The following FGGY variants were observed in gnomAD, a reference collection of about 807,000 sequenced individuals.
FGGY encodes the protein FGGY carbohydrate kinase domain-containing protein.
In FGGY, 72 loss-of-function variants were observed where a neutral mutation model predicts 71.3. That is an observed-to-expected ratio of 1.01 (90% CI 0.84 to 1.23). The LOEUF is 1.23. Ranked by LOEUF, FGGY falls within the 50% of genes most tolerant of loss-of-function variation. The probability of loss-of-function intolerance (pLI) is 0.00; values close to 1 mark genes in which losing one functional copy is unlikely to be tolerated. For missense variants in FGGY, 668 were observed against 682.3 expected (o/e 0.98, Z 0.23); for synonymous variants, 251 against 250.3 (o/e 1.00, Z -0.02).
At chr1:59,606,403 C>T (rs1315704488) in intron 8 of FGGY, among the ~76,000 whole-genome samples, 1 of 152,160 alleles carries the variant, frequency 6.6e-6, no homozygotes, top group South Asian at 2.1e-4. Flanking sequence ...ACAAAAAGTA[C>T]CAATTGCCAT....
At chr1:59,643,248 G>A (rs1276370750) in intron 11 of FGGY, among the ~76,000 whole-genome samples, 1 of 152,030 alleles carries the variant, frequency 6.6e-6, no homozygotes, top group African/African-American at 2.4e-5. Context: ...TGGTGCAGTG[G>A]CCTAATCAGA....
intron 14 of FGGY, among the ~76,000 whole-genome samples, chr1:59,724,737 T>A (rs752855989): frequency 3.9e-5 from 6 of 152,220 alleles, no homozygotes; most frequent in Non-Finnish European, 7.3e-5. Context: ...CAAATGATGT[T>A]GAGTGTCTTT....
chr1:59,365,072 G>T (rs2056338449), intron 4 of FGGY, among the ~76,000 whole-genome samples: 1 of 152,166 alleles, frequency 6.6e-6, no homozygotes, highest in Admixed American at 6.5e-5. Context: ...TGAGTTGGAG[G>T]TACAGTGGGA....
At chr1:59,742,532 C>T (rs977133763) in intron 14 of FGGY, among the ~76,000 whole-genome samples, 13 of 152,244 alleles carry the variant, frequency 8.5e-5, no homozygotes. Flanking sequence ...CTGTCCATCT[C>T]ATCTACTTCT....
intron 6 of FGGY, among the ~76,000 whole-genome samples, chr1:59,510,040 CTTT>C (rs10608143): frequency 2.9e-5 from 4 of 139,914 alleles, no homozygotes; most frequent in Admixed American, 7.1e-5. Context: ...TTTCTTTTTT[CTTT>C]TTTTTTTTTT....
intron 7 of FGGY, among the ~76,000 whole-genome samples, chr1:59,546,037 C>G (rs1191581819): frequency 1.3e-5 from 2 of 152,072 alleles, no homozygotes; most frequent in Non-Finnish European, 2.9e-5. Flanking sequence ...ATAACTCTGG[C>G]AAAGCACACA....
rs1241515632 is a variant in FGGY, at chr1:59,457,072, A to G, written c.666A>G (p.Lys222=). 1 of 1,605,738 alleles carries G rather than the reference A, an allele frequency of 6.2e-7. No homozygotes were observed. The highest frequency in any genetic ancestry group is 2.2e-5 in the East Asian group (1 of 44,822). The change falls in exon 6 of 16, where the codon AAA becomes AAG. Residue 222 remains lysine (K), a synonymous_variant. Coordinates refer to ENST00000303721, the MANE Select transcript of FGGY (RefSeq NM_018291.5). Reference sequence around the variant, plus strand: ...ACTTTGTTGCAGATAATTACAGCAAAATAGGTAAAAGAATAAAACATCTGT... The same window carrying G: ...ACTTTGTTGCAGATAATTACAGCAAGATAGGTAAAAGAATAAAACATCTGT... ...LEDFVADNYS[K]IGNQVLPPGA...
intron 5 of FGGY, among the ~76,000 whole-genome samples, chr1:59,387,187 G>T (rs937255346): frequency 1.3e-5 from 2 of 151,976 alleles, no homozygotes; most frequent in Admixed American, 6.6e-5. Flanking sequence ...CAATTCATAG[G>T]ATCTCAAATA....
At chr1:59,643,887 G>A (rs1424613085) in intron 11 of FGGY, among the ~76,000 whole-genome samples, 6 of 152,168 alleles carry the variant, frequency 3.9e-5, no homozygotes, top group African/African-American at 1.4e-4. Flanking sequence ...ACAGTGACCT[G>A]CCCAAAGTCA....
Position 59,638,138 on chromosome 1 carries a change from G to T in FGGY, c.1074-90G>T, listed in dbSNP as rs1273918679. ...TTTTAGGAGCCTGCTTACTTTCCTG[G>T]ATCTGGAAGTACAAATGGTTTCTTT... On this transcript the variant is annotated intron_variant, in intron 10 of 15. Coordinates refer to ENST00000303721, the MANE Select transcript of FGGY (RefSeq NM_018291.5). 3.0e-6 allele frequency: 4 copies of T among 1,328,496 alleles called. No individual in the cohort carries two copies. The African/African-American group carries it at 5.9e-5, about 19-fold the overall frequency. 82.3% of individuals were successfully genotyped at this position (1,328,496 alleles called of 1,614,324 possible).
intron 14 of FGGY, among the ~76,000 whole-genome samples, chr1:59,740,091 C>T (rs530298314): frequency 1.3e-5 from 2 of 152,314 alleles, no homozygotes; most frequent in East Asian, 3.9e-4. Context: ...CCCTGTCCTC[C>T]TTCAGGCTAA....
At chr1:59,388,789 A>G (rs1284212177) in intron 5 of FGGY, among the ~76,000 whole-genome samples, 1 of 152,174 alleles carries the variant, frequency 6.6e-6, no homozygotes, top group African/African-American at 2.4e-5. Context: ...CATATAGCAT[A>G]AAATTTGCCA....
rs181725565 is a variant in FGGY, at chr1:59,459,830, G to A, written c.670+2754G>A. 4.4e-3 allele frequency among the ~76,000 whole-genome samples: 676 copies of A among 152,228 alleles called. 4 individuals carry two copies. Among genetic ancestry groups the A allele is most frequent in the African/African-American group, 0.016 (654 of 41,524 alleles). On this transcript the variant is annotated intron_variant, in intron 6 of 15. Transcript: ENST00000303721. ...GGGAAAATCTCTTTGTTCTACTATT[G>A]GGGTAGCCCACTTTATGAAAAGTCG... is the stretch of plus-strand genomic sequence containing the variant.
At chr1:59,516,345 T>G (rs2094651057) in intron 7 of FGGY, among the ~76,000 whole-genome samples, 1 of 152,214 alleles carries the variant, frequency 6.6e-6, no homozygotes, top group African/African-American at 2.4e-5. Flanking sequence ...CACTGGAGAT[T>G]ATTAGCAGTG....
At chr1:59,745,191 TA>T (rs2098185202) in intron 14 of FGGY, among the ~76,000 whole-genome samples, 2 of 152,168 alleles carry the variant, frequency 1.3e-5, no homozygotes, top group Non-Finnish European at 2.9e-5. Flanking sequence ...TTCTGTATCG[TA>T]AACAGTCTAA....
chr1:59,633,718 C>T (rs1015196954), intron 10 of FGGY, among the ~76,000 whole-genome samples: 1 of 152,138 alleles, frequency 6.6e-6, no homozygotes, highest in Non-Finnish European at 1.5e-5. Flanking sequence ...TGGTTGGATA[C>T]TTGACCTGGA....
At chr1:59,459,075 A>G (rs1406730803) in intron 6 of FGGY, among the ~76,000 whole-genome samples, 1 of 152,230 alleles carries the variant, frequency 6.6e-6, no homozygotes, top group African/African-American at 2.4e-5. Flanking sequence ...GAGCATTAAT[A>G]CAATTACCAT....
intron 6 of FGGY, among the ~76,000 whole-genome samples, chr1:59,468,530 A>G (rs948891011): frequency 6.6e-6 from 1 of 152,222 alleles, no homozygotes; most frequent in African/African-American, 2.4e-5. Flanking sequence ...TGAACATTAA[A>G]TGAAGCTACA....
chr1:59,329,856 T>G (rs2048128663), intron 2 of FGGY, among the ~76,000 whole-genome samples: 1 of 152,258 alleles, frequency 6.6e-6, no homozygotes, highest in Admixed American at 6.5e-5. Context: ...CAGCCAAATT[T>G]CAAGTGCTCA....
Sources: allele counts gnomAD v4.1 joint callset (sites outside exome capture counted in the v4.1 genomes callset), GRCh38; gene constraint gnomAD v4.1.1; transcripts MANE v1.5; gene names NCBI Gene and HGNC (gene_info 2026-07-23, HGNC 2026-07-21).